Variants in BRINP3 observed in about 807,000 individuals in gnomAD.
BRINP3 encodes BMP/retinoic acid-inducible neural-specific protein 3.
In BRINP3, 19 loss-of-function variants were observed where a neutral mutation model predicts 71.0. That is an observed-to-expected ratio of 0.27 (90% CI 0.19 to 0.39). The LOEUF (loss-of-function observed/expected upper bound fraction) is 0.39, where lower values mean the gene tolerates loss of function less well. Among genes scored for constraint, BRINP3 ranks in the 10% least tolerant of loss-of-function variants. The probability of loss-of-function intolerance (pLI) is 1.00; values close to 1 mark genes in which losing one functional copy is unlikely to be tolerated. For synonymous variants in BRINP3, 380 were observed against 337.7 expected (o/e 1.13, Z -1.37); for missense variants, 959 against 940.8 (o/e 1.02, Z -0.25).
chr1:190,138,981 C>T (rs1404689721), intron 7 of BRINP3, among the ~76,000 whole-genome samples: 1 of 151,922 alleles, frequency 6.6e-6, no homozygotes, highest in Non-Finnish European at 1.5e-5. Flanking sequence ...TTAGAATCAA[C>T]CCAAGAAAGG....
intron 6 of BRINP3, among the ~76,000 whole-genome samples, chr1:190,217,299 T>A (rs1199738803): frequency 6.6e-6 from 1 of 151,942 alleles, no homozygotes; most frequent in African/African-American, 2.4e-5. Context: ...ATTTTCCCAA[T>A]GTAATAGCTG....
chr1:190,455,293 C>T (rs568413839), intron 1 of BRINP3, among the ~76,000 whole-genome samples: 1 of 152,136 alleles, frequency 6.6e-6, no homozygotes, highest in East Asian at 1.9e-4. Context: ...TCATATATTT[C>T]ATAAATTGTG....
chr1:190,386,800 C>T (rs748856003), intron 2 of BRINP3, among the ~76,000 whole-genome samples: 22 of 151,934 alleles, frequency 1.4e-4, no homozygotes, highest in Non-Finnish European at 2.1e-4. Flanking sequence ...AATGACTATA[C>T]AAATAAAGGG....
chr1:190,434,225 C>G (rs187356722), intron 2 of BRINP3, among the ~76,000 whole-genome samples: 1 of 151,862 alleles, frequency 6.6e-6, no homozygotes, highest in Non-Finnish European at 1.5e-5. Context: ...TTCTGCCTCA[C>G]CAGCCTCCGG....
intron 2 of BRINP3, among the ~76,000 whole-genome samples, chr1:190,437,672 A>G (rs1005595255): frequency 6.6e-6 from 1 of 151,804 alleles, no homozygotes; most frequent in African/African-American, 2.4e-5. Flanking sequence ...TGGAAAAGTA[A>G]ATATTCAACA....
intron 2 of BRINP3, among the ~76,000 whole-genome samples, chr1:190,317,068 A>G (rs1665930578): frequency 6.8e-6 from 1 of 147,916 alleles, no homozygotes; most frequent in Non-Finnish European, 1.5e-5. Flanking sequence ...GCTACTCGGG[A>G]GGCTGAGATG....
At chr1:190,209,812 T>C (rs143847571) in intron 6 of BRINP3, among the ~76,000 whole-genome samples, 1 of 152,260 alleles carries the variant, frequency 6.6e-6, no homozygotes, top group East Asian at 1.9e-4. Context: ...TGTCTTTATT[T>C]TTCAGTGCAA....
intron 7 of BRINP3, among the ~76,000 whole-genome samples, chr1:190,130,533 C>T (rs1654453250): frequency 1.3e-5 from 2 of 152,122 alleles, no homozygotes; most frequent in South Asian, 4.1e-4. Flanking sequence ...CTCCTGTCCA[C>T]CACACTTCCC....
chr1:190,111,125 C>G (rs1478217324), intron 7 of BRINP3, among the ~76,000 whole-genome samples: 5 of 142,026 alleles, frequency 3.5e-5, no homozygotes, highest in African/African-American at 8.2e-5. Flanking sequence ...TTGCAGTCAG[C>G]CGAGATTGGG....
At chr1:190,148,170 A>G (rs1245952545) in intron 7 of BRINP3, among the ~76,000 whole-genome samples, 2 of 152,114 alleles carry the variant, frequency 1.3e-5, no homozygotes, top group Non-Finnish European at 2.9e-5. Flanking sequence ...TTTTCATCCA[A>G]TTTCAAGAAA....
intron 6 of BRINP3, among the ~76,000 whole-genome samples, chr1:190,188,004 C>T (rs1367570933): frequency 6.6e-6 from 1 of 151,738 alleles, no homozygotes; most frequent in East Asian, 1.9e-4. Flanking sequence ...AGTATTCCAA[C>T]TCATGAACAC....
intron 6 of BRINP3, among the ~76,000 whole-genome samples, chr1:190,172,240 A>C (rs765497628): frequency 8.2e-4 from 124 of 150,598 alleles, no homozygotes; most frequent in Non-Finnish European, 1.7e-3. Flanking sequence ...TAAATGCCTA[A>C]CTCCTTATAT....
intron 2 of BRINP3, among the ~76,000 whole-genome samples, chr1:190,367,832 CATCCAT>C (rs1297268762): frequency 6.6e-6 from 1 of 152,170 alleles, no homozygotes; most frequent in Non-Finnish European, 1.5e-5. Context: ...TGGACTTCAT[CATCCAT>C]ATCACTAGCA....
chr1:190,395,681 T>C (rs559327920), intron 2 of BRINP3, among the ~76,000 whole-genome samples: 2 of 151,940 alleles, frequency 1.3e-5, no homozygotes, highest in Admixed American at 1.3e-4. Context: ...ACAAAAAACC[T>C]ACCTTCATTC....
At chr1:190,396,065 G>T (rs551675873) in intron 2 of BRINP3, among the ~76,000 whole-genome samples, 3 of 151,998 alleles carry the variant, frequency 2.0e-5, no homozygotes, top group South Asian at 2.1e-4. Context: ...GTGACACAGG[G>T]TTCTGAATAT....
intron 4 of BRINP3, among the ~76,000 whole-genome samples, chr1:190,237,234 C>T (rs570283547): frequency 4.6e-5 from 7 of 151,680 alleles, no homozygotes; most frequent in Non-Finnish European, 3.0e-5. Flanking sequence ...CAACTGAATT[C>T]ACTGATCACT....
At chr1:190,115,364 G>C (rs2102297211) in intron 7 of BRINP3, among the ~76,000 whole-genome samples, 2 of 152,124 alleles carry the variant, frequency 1.3e-5, no homozygotes, top group Non-Finnish European at 2.9e-5. Context: ...CTACACTTCA[G>C]TTTCCAAAAA....
chr1:190,198,111 T>A (rs1053845003), intron 6 of BRINP3, among the ~76,000 whole-genome samples: 15 of 152,068 alleles, frequency 9.9e-5, no homozygotes, highest in African/African-American at 3.6e-4. Context: ...GTGCAAACAG[T>A]CTGAGCTGTA....
At chr1:190,133,740 T>G (rs1453351306) in intron 7 of BRINP3, among the ~76,000 whole-genome samples, 1 of 152,080 alleles carries the variant, frequency 6.6e-6, no homozygotes, top group African/African-American at 2.4e-5. Flanking sequence ...TACATCCATA[T>G]TTAAGGACAT....
Sources: allele counts gnomAD v4.1 joint callset (sites outside exome capture counted in the v4.1 genomes callset), GRCh38; gene constraint gnomAD v4.1.1; transcripts MANE v1.5; gene names NCBI Gene and HGNC (gene_info 2026-07-23, HGNC 2026-07-21).